CFAP20DC: variants seen among roughly 807,000 people sequenced by gnomAD.
The protein encoded by CFAP20DC is protein CFAP20DC.
Under a neutral mutation model 101.7 loss-of-function variants are expected in CFAP20DC, and 84 were observed. That is an observed-to-expected ratio of 0.83 (90% CI 0.69 to 0.99). The LOEUF (loss-of-function observed/expected upper bound fraction) is 0.99, where lower values mean the gene tolerates loss of function less well. Ranked by LOEUF, CFAP20DC falls within the 50% of genes least tolerant of loss-of-function variation. The probability of loss-of-function intolerance (pLI) is 0.00; values close to 1 mark genes in which losing one functional copy is unlikely to be tolerated. For missense variants in CFAP20DC, 1,007 were observed against 970.3 expected (o/e 1.04, Z -0.50); for synonymous variants, 359 against 351.2 (o/e 1.02, Z -0.25).
At chr3:58,911,624 A>G (rs1402040149) in intron 6 of CFAP20DC, among the ~76,000 whole-genome samples, 2 of 152,158 alleles carry the variant, frequency 1.3e-5, no homozygotes, top group African/African-American at 4.8e-5. Context: ...CACTTATAAT[A>G]CACCTCAATT....
At position 59,002,324 on chromosome 3, in the gene CFAP20DC, T is replaced by C. The variant is rs2093334803; in HGVS notation, c.278+37233A>G. Reference sequence around the variant, plus strand: ...ATACATGATCCCACCTTAAGGGACATATCTCCAATTTCTAAACAAAAATCA... The same window carrying C: ...ATACATGATCCCACCTTAAGGGACACATCTCCAATTTCTAAACAAAAATCA... On this transcript the variant is annotated intron_variant, in intron 4 of 16. Coordinates refer to ENST00000482387, the MANE Select transcript of CFAP20DC (RefSeq NM_001394063.1). The surrounding 1 kb of genome is among the most constrained non-coding windows in gnomAD (Gnocchi z 4.5). Among the ~76,000 whole-genome samples, 1 of 152,226 alleles carries C rather than the reference T, an allele frequency of 6.6e-6. No homozygotes were observed.
chr3:58,897,448 G>A lies in CFAP20DC; in HGVS notation c.551-12739C>T, dbSNP rs1003342669. Among the ~76,000 whole-genome samples, 1 of 152,198 alleles carries A rather than the reference G, an allele frequency of 6.6e-6. No homozygotes were observed. Among genetic ancestry groups the A allele is most frequent in the Non-Finnish European group, 1.5e-5 (1 of 68,040 alleles). ...ATTTTGCAGATTTGTTTATGTGGTT[G>A]CTTCAATGTTACTGGGCTGTGTACT... On this transcript the variant is annotated intron_variant, in intron 6 of 16. Coordinates refer to ENST00000482387, the MANE Select transcript of CFAP20DC (RefSeq NM_001394063.1). The surrounding 1 kb of genome is among the most constrained non-coding windows in gnomAD (Gnocchi z 4.4).
intron 4 of CFAP20DC, among the ~76,000 whole-genome samples, chr3:58,941,175 A>T (rs560191598): frequency 4.9e-4 from 74 of 151,412 alleles, no homozygotes; most frequent in Non-Finnish European, 8.8e-4. Context: ...CTAAAAATAC[A>T]GAAATTAGCT....
intron 4 of CFAP20DC, among the ~76,000 whole-genome samples, chr3:58,990,422 T>C (rs2092902269): frequency 6.6e-6 from 1 of 152,174 alleles, no homozygotes; most frequent in Admixed American, 6.5e-5. Context: ...CTGCATCTAC[T>C]GCTGCTGAGG....
intron 5 of CFAP20DC, among the ~76,000 whole-genome samples, chr3:58,920,200 C>G (rs988530775): frequency 6.6e-6 from 1 of 151,342 alleles, no homozygotes; most frequent in African/African-American, 2.4e-5. Flanking sequence ...AGGTGATCCT[C>G]CCACTTCAGC....
intron 4 of CFAP20DC, among the ~76,000 whole-genome samples, chr3:59,004,938 C>T (rs1447237258): frequency 6.6e-6 from 1 of 152,188 alleles, no homozygotes; most frequent in Non-Finnish European, 1.5e-5. Flanking sequence ...ACCTATGTAA[C>T]CAATCCCCTT....
intron 4 of CFAP20DC, among the ~76,000 whole-genome samples, chr3:58,974,444 T>C (rs915126897): frequency 6.6e-6 from 1 of 152,134 alleles, no homozygotes; most frequent in Non-Finnish European, 1.5e-5. Context: ...GGTTTTGTTC[T>C]TTTTTATGGC....
intron 4 of CFAP20DC, among the ~76,000 whole-genome samples, chr3:58,958,504 T>G (rs923075034): frequency 5.9e-5 from 9 of 152,204 alleles, no homozygotes; most frequent in Non-Finnish European, 8.8e-5. Flanking sequence ...TGTTCAACTC[T>G]TTATGTGGAC....
chr3:58,880,603 G>A (rs2081162904), intron 7 of CFAP20DC, among the ~76,000 whole-genome samples: 1 of 151,956 alleles, frequency 6.6e-6, no homozygotes, highest in Admixed American at 6.6e-5. Flanking sequence ...TTAATATTAT[G>A]TTTTATATTA....
At chr3:58,984,094 T>C (rs2092675111) in intron 4 of CFAP20DC, among the ~76,000 whole-genome samples, 1 of 152,222 alleles carries the variant, frequency 6.6e-6, no homozygotes, top group Admixed American at 6.5e-5. Flanking sequence ...AGAATGCTTA[T>C]AAGTTTGGCT....
chr3:59,043,282 G>T (rs955611678), intron 3 of CFAP20DC, among the ~76,000 whole-genome samples: 2 of 152,120 alleles, frequency 1.3e-5, no homozygotes, highest in Admixed American at 1.3e-4. Context: ...CACAAAAGGA[G>T]GCTAAGAAAG....
intron 13 of CFAP20DC, among the ~76,000 whole-genome samples, chr3:58,848,481 A>C (rs1265410951): frequency 6.6e-6 from 1 of 152,196 alleles, no homozygotes; most frequent in Non-Finnish European, 1.5e-5. Context: ...TGAAGGAAGA[A>C]AAGTACTAAT....
chr3:58,779,970 T>C (rs1044693238), intron 15 of CFAP20DC, among the ~76,000 whole-genome samples: 30 of 152,092 alleles, frequency 2.0e-4, no homozygotes, highest in Admixed American at 7.9e-4. Context: ...GATAAATGCA[T>C]CTAGTCATTT....
chr3:58,762,675 C>G (rs1399334011), intron 15 of CFAP20DC, among the ~76,000 whole-genome samples: 1 of 152,164 alleles, frequency 6.6e-6, no homozygotes, highest in Admixed American at 6.5e-5. Flanking sequence ...GTGGCTGGTA[C>G]TGGTTGTTCC....
At chr3:58,748,705 T>C (rs1002461120) in intron 16 of CFAP20DC, among the ~76,000 whole-genome samples, 4 of 152,154 alleles carry the variant, frequency 2.6e-5, no homozygotes, top group Admixed American at 6.6e-5. Context: ...CACTATTTTA[T>C]CCAGAAAGCT....
At chr3:58,809,193 C>T (rs1010496233) in intron 14 of CFAP20DC, among the ~76,000 whole-genome samples, 5 of 152,044 alleles carry the variant, frequency 3.3e-5, no homozygotes, top group African/African-American at 1.2e-4. Flanking sequence ...AGCTCTGCAC[C>T]AAGCGGACCT....
At chr3:58,978,716 CAAA>C (rs201916298) in intron 4 of CFAP20DC, among the ~76,000 whole-genome samples, 5 of 66,524 alleles carry the variant, frequency 7.5e-5, no homozygotes, top group Non-Finnish European at 6.9e-5. Flanking sequence ...TCCCTGTCTG[CAAA>C]AAAAAAAAAA....
chr3:59,032,207 CAGG>C (rs1428956903), intron 4 of CFAP20DC, among the ~76,000 whole-genome samples: 1 of 152,150 alleles, frequency 6.6e-6, no homozygotes, highest in African/African-American at 2.4e-5. Context: ...ACCTGCAGAC[CAGG>C]AGATTTCCTT....
intron 6 of CFAP20DC, among the ~76,000 whole-genome samples, chr3:58,889,680 C>T (rs561959008): frequency 1.5e-4 from 21 of 139,204 alleles, no homozygotes; most frequent in African/African-American, 5.5e-4. Context: ...TCTGGTTTTC[C>T]TAGGCAGAGG....
Sources: gnomAD v4.1 joint callset for allele counts (sites outside exome capture counted in the v4.1 genomes callset) on GRCh38, gnomAD v4.1.1 for gene constraint, Gnocchi (gnomAD v3.1) non-coding constraint, MANE v1.5 for transcripts, NCBI Gene and HGNC (gene_info 2026-07-23, HGNC 2026-07-21) for gene names.